The following PDE1A variants were observed in gnomAD, a reference collection of about 807,000 sequenced individuals.
PDE1A encodes dual specificity calcium/calmodulin-dependent 3',5'-cyclic nucleotide phosphodiesterase 1A.
A neutral mutation model predicts 61.7 loss-of-function variants in PDE1A; 35 were observed. That is an observed-to-expected ratio of 0.57 (90% CI 0.43 to 0.75). The LOEUF is 0.75. PDE1A is among the 30% of genes least tolerant of loss of function. The probability of loss-of-function intolerance (pLI) is 0.00; values close to 1 mark genes in which losing one functional copy is unlikely to be tolerated. For synonymous variants in PDE1A, 232 were observed against 213.2 expected (o/e 1.09, Z -0.77); for missense variants, 597 against 630.6 (o/e 0.95, Z 0.57).
chr2:182,497,803 G>A (rs1186612820), intron 2 of PDE1A, among the ~76,000 whole-genome samples: 1 of 151,998 alleles, frequency 6.6e-6, no homozygotes, highest in Non-Finnish European at 1.5e-5. Flanking sequence ...AGCACTTTGG[G>A]AGGCCGAGGT....
the PDE1A span, chr2:182,716,323 G>T: frequency 6.6e-6 from 1 of 152,426 alleles, no homozygotes; most frequent in South Asian, 2.1e-4. Flanking sequence ...GGTAGTCGCC[G>T]GTGTGGCTGC....
chr2:182,626,838 CATATATATACATATATATATACAT>C, the PDE1A span, among the ~76,000 whole-genome samples: 2 of 10,034 alleles, frequency 2.0e-4, no homozygotes, highest in Non-Finnish European at 2.1e-4. Context: ...TATATATATA[CATATATATACATATATATATACAT>C]ATATATATAC....
At chr2:182,350,803 G>T (rs773738478) in intron 1 of PDE1A, among the ~76,000 whole-genome samples, 33 of 151,956 alleles carry the variant, frequency 2.2e-4, no homozygotes, top group Non-Finnish European at 5.9e-5. Flanking sequence ...AGTCCCCCAG[G>T]ACCCAGCTAT....
chr2:182,377,379 C>T (rs1412853708), intron 1 of PDE1A, among the ~76,000 whole-genome samples: 1 of 152,178 alleles, frequency 6.6e-6, no homozygotes, highest in East Asian at 1.9e-4. Context: ...TGACATGATT[C>T]AGATTCCTGA....
chr2:182,459,578 A>G (rs1472576363), intron 2 of PDE1A, among the ~76,000 whole-genome samples: 1 of 152,122 alleles, frequency 6.6e-6, no homozygotes, highest in African/African-American at 2.4e-5. Context: ...TAACTACTCA[A>G]TGCCTTCCCA....
At chr2:182,559,982 T>A in the PDE1A span, among the ~76,000 whole-genome samples, 20 of 151,738 alleles carry the variant, frequency 1.3e-4, no homozygotes, top group African/African-American at 4.4e-4. Context: ...AGCCAGTGAC[T>A]GGAAGGTAGT....
At chr2:182,635,283 A>C in the PDE1A span, among the ~76,000 whole-genome samples, 1 of 152,104 alleles carries the variant, frequency 6.6e-6, no homozygotes, top group Non-Finnish European at 1.5e-5. Context: ...GATACAGTGA[A>C]GACTCCTTCC....
chr2:182,559,527 G>C, the PDE1A span, among the ~76,000 whole-genome samples: 1 of 152,146 alleles, frequency 6.6e-6, no homozygotes, highest in Non-Finnish European at 1.5e-5. Flanking sequence ...GACATTGCTT[G>C]TATAAACGTA....
At chr2:182,536,660 A>G in the PDE1A span, among the ~76,000 whole-genome samples, 9 of 152,222 alleles carry the variant, frequency 5.9e-5, no homozygotes, top group Non-Finnish European at 1.3e-4. Context: ...ATTTATATAT[A>G]CCATTACACA....
At chr2:182,658,195 CG>C in the PDE1A span, among the ~76,000 whole-genome samples, 1 of 152,044 alleles carries the variant, frequency 6.6e-6, no homozygotes, top group South Asian at 2.1e-4. Flanking sequence ...AGAGGCTAGA[CG>C]TCCAAAGTCA....
At chr2:182,514,905 C>T (rs1274371758) in intron 2 of PDE1A, among the ~76,000 whole-genome samples, 2 of 152,160 alleles carry the variant, frequency 1.3e-5, no homozygotes, top group Non-Finnish European at 2.9e-5. Flanking sequence ...TATAGTTCTG[C>T]AGTTTTGAAG....
the PDE1A span, among the ~76,000 whole-genome samples, chr2:182,573,397 T>TA: frequency 5.3e-5 from 8 of 151,868 alleles, no homozygotes; most frequent in South Asian, 2.1e-4. Context: ...AATCATTTTT[T>TA]AAAAAAAATA....
chr2:182,192,175 T>C (rs1559162432), intron 10 of PDE1A, among the ~76,000 whole-genome samples: 1 of 152,040 alleles, frequency 6.6e-6, no homozygotes, highest in Non-Finnish European at 1.5e-5. Flanking sequence ...GAGCTAAATT[T>C]TATAGAATGT....
chr2:182,498,269 G>A (rs1688845252), intron 2 of PDE1A, among the ~76,000 whole-genome samples: 1 of 151,982 alleles, frequency 6.6e-6, no homozygotes, highest in Non-Finnish European at 1.5e-5. Context: ...TATTCATATA[G>A]AAGAAGAATT....
chr2:182,231,273 G>C (rs953131331), intron 4 of PDE1A, 142 bp from the exon 5 acceptor site: 1 of 626,966 alleles, frequency 1.6e-6, no homozygotes, highest in Non-Finnish European at 2.8e-6. Context: ...GAGTTTCATA[G>C]GACAGGACCA....
intron 1 of PDE1A, among the ~76,000 whole-genome samples, chr2:182,401,032 ACC>A (rs1559422055): frequency 6.6e-6 from 1 of 151,942 alleles, no homozygotes; most frequent in Non-Finnish European, 1.5e-5. Context: ...AAACCTGTAT[ACC>A]CTCTGAGGCT....
chr2:182,367,314 G>A (rs886149840), intron 1 of PDE1A, among the ~76,000 whole-genome samples: 9 of 151,984 alleles, frequency 5.9e-5, no homozygotes, highest in Non-Finnish European at 1.2e-4. Context: ...AGAATCAGAT[G>A]TAAAAATAAT....
the PDE1A span, among the ~76,000 whole-genome samples, chr2:182,626,782 C>CAT: frequency 7.8e-4 from 2 of 2,558 alleles, 1 homozygote; most frequent in African/African-American, 1.8e-3. Context: ...CATATATATA[C>CAT]ATATATATAC....
chr2:182,405,785 A>G (rs916196423), intron 1 of PDE1A, among the ~76,000 whole-genome samples: 6 of 152,132 alleles, frequency 3.9e-5, no homozygotes, highest in African/African-American at 1.4e-4. Flanking sequence ...CACCCCAAAA[A>G]AATAAGTATT....
Sources: allele counts gnomAD v4.1 joint callset (sites outside exome capture counted in the v4.1 genomes callset), GRCh38; gene constraint gnomAD v4.1.1; transcripts MANE v1.5; gene names NCBI Gene and HGNC (gene_info 2026-07-23, HGNC 2026-07-21).